The following NELL2 variants were observed in gnomAD, a reference collection of about 807,000 sequenced individuals.
NELL2 encodes neural EGFL like 2.
A neutral mutation model predicts 109.6 loss-of-function variants in NELL2; 41 were observed. That is an observed-to-expected ratio of 0.37 (90% CI 0.29 to 0.49). The LOEUF (loss-of-function observed/expected upper bound fraction) is 0.49, where lower values mean the gene tolerates loss of function less well. NELL2 is among the 20% of genes least tolerant of loss of function. NELL2 has a pLI of 0.98. For missense variants in NELL2, 900 were observed against 1,008.3 expected, an observed-to-expected ratio of 0.89 and a Z score of 1.45; for synonymous variants, 355 against 344.7, an observed-to-expected ratio of 1.03 and a Z score of -0.33.
intron 15 of NELL2, among the ~76,000 whole-genome samples, chr12:44,589,224 T>C (rs898148042): frequency 6.6e-6 from 1 of 151,962 alleles, no homozygotes; most frequent in Non-Finnish European, 1.5e-5. Flanking sequence ...GTTCTAACTT[T>C]GTATTTAAGC....
intron 15 of NELL2, among the ~76,000 whole-genome samples, chr12:44,574,534 C>T (rs1331266836): frequency 2.0e-5 from 3 of 151,674 alleles, no homozygotes; most frequent in Admixed American, 6.6e-5. Flanking sequence ...AAAAATAATA[C>T]AATTTGTGAT....
At chr12:44,755,234 G>A (rs1354628801) in intron 9 of NELL2, among the ~76,000 whole-genome samples, 2 of 152,110 alleles carry the variant, frequency 1.3e-5, no homozygotes, top group Admixed American at 6.6e-5. Flanking sequence ...TACCACCATG[G>A]ATACTTCATA....
intron 1 of NELL2, among the ~76,000 whole-genome samples, chr12:44,905,101 AT>A (rs1945705403): frequency 6.6e-6 from 1 of 152,116 alleles, no homozygotes; most frequent in Non-Finnish European, 1.5e-5. Context: ...GGATTATCTT[AT>A]TTGAAAATCC....
At chr12:44,622,119 T>G (rs1324361879) in intron 13 of NELL2, among the ~76,000 whole-genome samples, 1 of 152,140 alleles carries the variant, frequency 6.6e-6, no homozygotes, top group African/African-American at 2.4e-5. Flanking sequence ...ATGGTTAGGC[T>G]CCAACAGATA....
At chr12:44,843,538 G>T (rs1013594164) in intron 2 of NELL2, among the ~76,000 whole-genome samples, 1 of 152,128 alleles carries the variant, frequency 6.6e-6, no homozygotes, top group Non-Finnish European at 1.5e-5. Context: ...TCTACTTCTA[G>T]GTATTTACCA....
At chr12:44,576,239 T>G (rs2136202631) in intron 15 of NELL2, among the ~76,000 whole-genome samples, 1 of 152,304 alleles carries the variant, frequency 6.6e-6, no homozygotes, top group East Asian at 1.9e-4. Flanking sequence ...GGATGGCCAC[T>G]TTCGTAGTTG....
At chr12:44,687,126 C>A (rs377481430) in intron 12 of NELL2, among the ~76,000 whole-genome samples, 3 of 152,188 alleles carry the variant, frequency 2.0e-5, no homozygotes, top group African/African-American at 7.2e-5. Context: ...TTTTTAAGCC[C>A]GTCGGAAATG....
At chr12:44,530,221 C>T (rs962519034) in intron 16 of NELL2, among the ~76,000 whole-genome samples, 6 of 152,004 alleles carry the variant, frequency 3.9e-5, no homozygotes, top group African/African-American at 9.7e-5. Flanking sequence ...GAGTACGGGT[C>T]GTGGTGGAAA....
At chr12:44,741,824 G>A (rs1244773634) in intron 9 of NELL2, among the ~76,000 whole-genome samples, 1 of 152,190 alleles carries the variant, frequency 6.6e-6, no homozygotes, top group Non-Finnish European at 1.5e-5. Flanking sequence ...GCTGGAACTG[G>A]GTGGAGCCCA....
At chr12:44,517,093 T>C (rs566212062) in intron 19 of NELL2, among the ~76,000 whole-genome samples, 2 of 152,084 alleles carry the variant, frequency 1.3e-5, no homozygotes, top group African/African-American at 4.8e-5. Flanking sequence ...TTTTGATATG[T>C]AACATAATTT....
rs144096069 is a variant in NELL2, at chr12:44,625,704, T to G, written c.1445-14734A>C. On this transcript the variant is annotated intron_variant, in intron 13 of 19. Coordinates refer to ENST00000429094, the MANE Select transcript of NELL2 (RefSeq NM_001145108.2). ...AATACTTGCAACAGAAGGCTTTTAT[T>G]TGTATGTCATTAGATTTAAACTCCT... 7.0e-4 allele frequency among the ~76,000 whole-genome samples: 106 copies of G among 152,252 alleles called. 1 individual carries two copies. Among genetic ancestry groups the G allele is most frequent in the Admixed American group, 3.7e-3 (56 of 15,280 alleles).
chr12:44,600,296 A>G (rs942222468), intron 15 of NELL2, among the ~76,000 whole-genome samples: 8 of 151,674 alleles, frequency 5.3e-5, no homozygotes, highest in African/African-American at 1.7e-4. Flanking sequence ...GGTGTGAACC[A>G]CCGCGCCCGG....
chr12:44,539,919 CTT>C (rs1942472687), intron 15 of NELL2, among the ~76,000 whole-genome samples: 1 of 152,164 alleles, frequency 6.6e-6, no homozygotes, highest in East Asian at 1.9e-4. Flanking sequence ...CTATGCCACA[CTT>C]GAGTTCTGCT....
chr12:44,661,804 T>C (rs1469120572), intron 13 of NELL2, among the ~76,000 whole-genome samples: 1 of 152,188 alleles, frequency 6.6e-6, no homozygotes, highest in East Asian at 1.9e-4. Context: ...TCTTGGCTCA[T>C]GTTTTCTCTT....
chr12:44,592,492 T>G (rs1241446788), intron 15 of NELL2, among the ~76,000 whole-genome samples: 1 of 151,876 alleles, frequency 6.6e-6, no homozygotes, highest in African/African-American at 2.4e-5. Context: ...GATAGTTAGG[T>G]AGATAGACAG....
intron 1 of NELL2, among the ~76,000 whole-genome samples, chr12:44,908,805 C>A (rs1238776418): frequency 1.3e-5 from 2 of 151,822 alleles, no homozygotes; most frequent in Non-Finnish European, 1.5e-5. Context: ...GTGCTAATGA[C>A]CACACTAGAA....
In NELL2 at chr12:44,835,712, T is replaced by C. The variant is rs149480194; in HGVS notation, c.185-19576A>G. Among the ~76,000 whole-genome samples, 4 of 152,336 alleles carry C rather than the reference T, an allele frequency of 2.6e-5. No homozygotes were observed. In the East Asian group the frequency reaches 7.7e-4, roughly 29 times the overall value. Reference sequence around the variant, plus strand: ...TGGATCATGCTGTGACTGATTTCAATTCAGTACATCCTGGTTTCACTAATC... The same window carrying C: ...TGGATCATGCTGTGACTGATTTCAACTCAGTACATCCTGGTTTCACTAATC... On this transcript the variant is annotated intron_variant, in intron 2 of 19. Coordinates refer to ENST00000429094, the MANE Select transcript of NELL2 (RefSeq NM_001145108.2).
chr12:44,775,572 T>C (rs1163129620), intron 8 of NELL2, among the ~76,000 whole-genome samples: 1 of 152,220 alleles, frequency 6.6e-6, no homozygotes, highest in Non-Finnish European at 1.5e-5. Context: ...TTCCACTGTA[T>C]TAATAAACTA....
At chr12:44,711,597 A>C (rs1241933101) in intron 10 of NELL2, among the ~76,000 whole-genome samples, 3 of 152,122 alleles carry the variant, frequency 2.0e-5, no homozygotes, top group African/African-American at 7.2e-5. Flanking sequence ...TTAGAATAAG[A>C]ATCAGCCACA....
Sources: allele counts gnomAD v4.1 joint callset (sites outside exome capture counted in the v4.1 genomes callset), GRCh38; gene constraint gnomAD v4.1.1; transcripts MANE v1.5; gene names NCBI Gene and HGNC (gene_info 2026-07-23, HGNC 2026-07-21).